The following AKAP1 variants were observed in gnomAD, a reference collection of about 807,000 sequenced individuals.
AKAP1 encodes the protein A-kinase anchor protein 1, mitochondrial.
Under a neutral mutation model 79.8 loss-of-function variants are expected in AKAP1, and 32 were observed. The ratio of observed to expected loss-of-function variants is 0.40; its 90% confidence interval spans 0.30 to 0.54. AKAP1 has a LOEUF of 0.54. Among genes scored for constraint, AKAP1 ranks in the 20% least tolerant of loss-of-function variants. AKAP1 has a pLI of 0.47. For synonymous variants in AKAP1, 416 were observed against 466.7 expected, an observed-to-expected ratio of 0.89 and a Z score of 1.40; for missense variants, 961 against 1,138.9, an observed-to-expected ratio of 0.84 and a Z score of 2.25.
intron 1 of AKAP1, chr17:57,085,794 A>C (rs972977431): frequency 1.3e-5 from 2 of 152,320 alleles, no homozygotes; most frequent in Non-Finnish European, 2.9e-5. Context: ...GAGCGTGCAC[A>C]CCCGCCTGCG....
In AKAP1 at chr17:57,120,291, C is replaced by T. The variant is rs761625120; in HGVS notation, c.2679C>T (p.Ala893=). The T allele has an allele frequency of 3.1e-6, 5 of 1,613,710 alleles. No individual in the cohort carries two copies. Among genetic ancestry groups the T allele is most frequent in the Non-Finnish European group, 4.2e-6 (5 of 1,179,870 alleles). The change falls in exon 11 of 11, where the codon GCC becomes GCT. Residue 893 remains alanine, a synonymous_variant. Transcript: ENST00000337714. The part of the protein sequence containing the change: ...INRSLVERGL[A]QWVDSYYTSL ...GGTCCCTGGTGGAGCGAGGCCTTGC[C>T]CAGTGGGTAGACAGCTACTACACAA... is the stretch of plus-strand genomic sequence containing the variant.
chr17:57,108,054 C>T, intron 2 of AKAP1: 1 of 1,196,858 alleles, frequency 8.4e-7, no homozygotes, highest in South Asian at 1.5e-5. Flanking sequence ...TACAGGTCAG[C>T]AGCTCCTGAC....
At chr17:57,096,560 A>G (rs1232457231) in intron 1 of AKAP1, 2 of 152,412 alleles carry the variant, frequency 1.3e-5, no homozygotes, top group African/African-American at 4.8e-5. Context: ...GGGTACCCAC[A>G]TGAAGTCATA....
At position 57,118,382 on chromosome 17, in the gene AKAP1, C is replaced by T. The variant is rs781030382; in HGVS notation, c.2502C>T (p.Asp834=). 16 of 1,613,756 alleles carry T rather than the reference C, an allele frequency of 9.9e-6. No homozygotes were observed. Among genetic ancestry groups the T allele is most frequent in the South Asian group, 5.5e-5 (5 of 91,082 alleles). Residue 834 remains aspartate, a splice_region_variant and synonymous_variant, in exon 9 of 11, where the codon GAC becomes GAT. Transcript: ENST00000337714. ...VLLDSVMPLS[D]DDQFSPEADA... ...CCGCTTTTCCTTTTCCTCCTGAAGACGATGACCAGTTTTCACCGGAAGCAG... is the reference window on the plus strand; with the variant it reads ...CCGCTTTTCCTTTTCCTCCTGAAGATGATGACCAGTTTTCACCGGAAGCAG...
intron 3 of AKAP1, 67 bp from the exon 4 acceptor site, chr17:57,111,731 A>T: frequency 6.3e-7 from 1 of 1,577,266 alleles, no homozygotes; most frequent in Non-Finnish European, 8.7e-7. Context: ...AAACAGAAGT[A>T]GGTCTTTGGG....
Position 57,085,298 on chromosome 17 carries a change from G to A in AKAP1, c.-125G>A, listed in dbSNP as rs1051846807. The A allele has an allele frequency of 6.6e-6, 1 of 151,194 alleles. No individual in the cohort carries two copies. The highest frequency in any genetic ancestry group is 2.4e-5 in the African/African-American group (1 of 41,262). The allele number at this position is 151,194 out of a possible 1,614,324, so 9.4% of individuals were successfully genotyped here. ...GCCTGGGCTAGCACGTGGGGGAGCT[G>A]CGGAAGCGCGGCGCTGCGGGCCGGG... On this transcript the variant is annotated 5_prime_UTR_variant, in exon 1 of 11. Coordinates refer to ENST00000337714, the MANE Select transcript of AKAP1 (RefSeq NM_003488.4).
intron 5 of AKAP1, among the ~76,000 whole-genome samples, chr17:57,113,388 C>T (rs377592529): frequency 6.6e-6 from 1 of 150,770 alleles, no homozygotes. Flanking sequence ...TGTCCTCCTT[C>T]GTGTTTTTTT....
intron 1 of AKAP1, among the ~76,000 whole-genome samples, chr17:57,089,016 T>A (rs370042060): frequency 6.6e-6 from 1 of 152,212 alleles, no homozygotes; most frequent in East Asian, 1.9e-4. Context: ...ATGAGGCTTG[T>A]TTCACTGCTG....
chr17:57,118,087 G>T (rs72828916), intron 8 of AKAP1, among the ~76,000 whole-genome samples: 15,498 of 152,168 alleles, frequency 0.1, 917 homozygotes, highest in Non-Finnish European at 0.13. Context: ...GTGGGGGTGG[G>T]GGTGGTGCTG....
intron 1 of AKAP1, among the ~76,000 whole-genome samples, chr17:57,104,628 CGTT>C (rs1459606384): frequency 6.6e-6 from 1 of 152,230 alleles, no homozygotes; most frequent in Non-Finnish European, 1.5e-5. Context: ...CTGGAGTGCC[CGTT>C]GTTCACCCTT....
At chr17:57,097,194 C>T (rs1914167672) in intron 1 of AKAP1, among the ~76,000 whole-genome samples, 1 of 152,004 alleles carries the variant, frequency 6.6e-6, no homozygotes, top group African/African-American at 2.4e-5. Flanking sequence ...ATGTCCTGTC[C>T]CCCTCCCTAC....
chr17:57,093,660 A>G (rs1913914342), intron 1 of AKAP1: 1 of 152,200 alleles, frequency 6.6e-6, no homozygotes, highest in Admixed American at 6.5e-5. Context: ...ATGCATTGCT[A>G]CTTGTATGTA....
chr17:57,118,539 C>A, intron 9 of AKAP1, 85 bp downstream of exon 9: 2 of 1,397,714 alleles, frequency 1.4e-6, no homozygotes, highest in Non-Finnish European at 2.0e-6. Flanking sequence ...TGTGGCTTGG[C>A]CCTGGATTGA....
rs766016392 is a variant in AKAP1, at chr17:57,118,970, C to G, written c.2575-12C>G. On this transcript the variant is annotated splice_polypyrimidine_tract_variant and intron_variant, in intron 9 of 10. Coordinates refer to ENST00000337714, the MANE Select transcript of AKAP1 (RefSeq NM_003488.4). ...ACCTAACCATATTATTCTTTCCACC[C>G]CCCTTCTTCAGGTGACAAGTTACAG... is the stretch of plus-strand genomic sequence containing the variant. The G allele has an allele frequency of 6.8e-6, 11 of 1,612,874 alleles. No individual in the cohort carries two copies. Among genetic ancestry groups the G allele is most frequent in the South Asian group, 1.1e-5 (1 of 91,014 alleles).
chr17:57,086,941 C>T lies in AKAP1; in HGVS notation c.-25+1543C>T, dbSNP rs182161595. On this transcript the variant is annotated intron_variant, in intron 1 of 10. Coordinates refer to ENST00000337714, the MANE Select transcript of AKAP1 (RefSeq NM_003488.4). This position sits in a 1 kb window ranked among gnomAD's most constrained non-coding sequence, Gnocchi z 5.1. ...ATTTATATAATTCCTCTGATCTTGG[C>T]ATTGAAGTGGTTCACCTGCTGATTA... Among the ~76,000 whole-genome samples the T allele has an allele frequency of 9.3e-4, 142 of 152,220 alleles. 1 individual carries two copies. Among genetic ancestry groups the T allele is most frequent in the African/African-American group, 3.3e-3 (138 of 41,520 alleles).
At position 57,112,614 on chromosome 17, in the gene AKAP1, C is replaced by A. The variant is rs1915320278; in HGVS notation, c.2099C>A (p.Ser700Tyr). Reference protein sequence around the residue: ...SLALPSLPMTSWLMLPDGITV... With the variant: ...SLALPSLPMTYWLMLPDGITV... The stretch of plus-strand genomic sequence containing the variant: ...GCACTGCCTTCTCTGCCGATGACAT[C>A]CTGGGTGAGCGTGCTACTGGGTGAT... Residue 700 changes from serine (S) to tyrosine (Y), a missense_variant, in exon 5 of 11, where the codon TCC becomes TAC. By Grantham distance (144) the Ser-to-Tyr change is moderately radical (BLOSUM62 -2). Around this residue, in one of 3 missense-constraint regions of AKAP1, gnomAD observed 629 missense variants for 781.1 expected, o/e 0.81. Transcript: ENST00000337714. 1 of 1,610,070 alleles carries A rather than the reference C, an allele frequency of 6.2e-7. No homozygotes were observed.
At position 57,097,588 on chromosome 17, in the gene AKAP1, G is replaced by A. The variant is rs373246678; in HGVS notation, c.-24-7853G>A. On this transcript the variant is annotated intron_variant, in intron 1 of 10. Coordinates refer to ENST00000337714, the MANE Select transcript of AKAP1 (RefSeq NM_003488.4). ...TCATTCTCTGAATGCAGTGGCTGAA[G>A]TGCTGGGCTTTAGGTTCTGATTCCC... Among the ~76,000 whole-genome samples the A allele has an allele frequency of 2.1e-4, 32 of 152,326 alleles. No homozygotes were observed. In the East Asian group the frequency reaches 5.2e-3, roughly 25 times the overall value.
At chr17:57,101,898 C>T (rs1434871343) in intron 1 of AKAP1, among the ~76,000 whole-genome samples, 2 of 152,176 alleles carry the variant, frequency 1.3e-5, no homozygotes, top group African/African-American at 4.8e-5. Flanking sequence ...ACATTCCATA[C>T]ACATGGTGGT....
rs1414263217 is a variant in AKAP1 at position 57,105,771 on chromosome 17, C to T, written c.307C>T (p.Arg103Ter). Residue 103 changes from arginine to a stop codon, truncating the protein, a stop_gained, in exon 2 of 11, where the codon CGA (arginine) becomes TGA (stop). Coordinates refer to ENST00000337714, the MANE Select transcript of AKAP1 (RefSeq NM_003488.4). LOFTEE classifies it high-confidence loss of function. Reference sequence around the variant, plus strand: ...ATTGCTCCAGACACACCCACCTTGCCGAAGATCAGAGTCCTCGGGCATTCT... The same window carrying T: ...ATTGCTCCAGACACACCCACCTTGCTGAAGATCAGAGTCCTCGGGCATTCT... ...PALLQTHPPC[R>*]RSESSGILPN... 3.7e-6 allele frequency: 6 copies of T among 1,614,064 alleles called. No individual in the cohort carries two copies. The highest frequency in any genetic ancestry group is 2.2e-5 in the East Asian group (1 of 44,906).
Sources: gnomAD v4.1 joint callset for allele counts (sites outside exome capture counted in the v4.1 genomes callset) on GRCh38, gnomAD v4.1.1 for gene constraint, gnomAD v4.1.1 regional missense constraint, Gnocchi (gnomAD v3.1) non-coding constraint, MANE v1.5 for transcripts, NCBI Gene and HGNC (gene_info 2026-07-23, HGNC 2026-07-21) for gene names.